Variants in FGF11 observed in about 807,000 individuals in gnomAD.
The protein encoded by FGF11 is fibroblast growth factor 11, also known as fibroblast growth factor homologous factor 3.
In FGF11, 25 loss-of-function variants were observed where a neutral mutation model predicts 25.1. The observed-to-expected ratio is 1.00, with a 90% CI of 0.73 to 1.39. The LOEUF (loss-of-function observed/expected upper bound fraction) is 1.39. FGF11 is among the 40% of genes most tolerant of loss of function. The pLI, the probability that FGF11 is intolerant of heterozygous loss-of-function variation, is 0.00. For missense variants in FGF11, 320 were observed against 311.0 expected, an observed-to-expected ratio of 1.03 and a Z score of -0.22; for synonymous variants, 130 against 128.9, an observed-to-expected ratio of 1.01 and a Z score of -0.06.
chr17:7,439,202 G>A (rs1908188562), upstream of FGF11: 1 of 161,240 alleles, frequency 6.2e-6, no homozygotes, highest in African/African-American at 2.4e-5. Flanking sequence ...TAGATTACAA[G>A]AGTGGATTTG....
At chr17:7,442,934 G>A (rs1388531547) in intron 4 of FGF11, 142 bp downstream of exon 4, 6 of 1,190,012 alleles carry the variant, frequency 5.0e-6, no homozygotes, top group East Asian at 2.4e-5. Flanking sequence ...GCCCTTTGGG[G>A]GTTTGGGTGC....
chr17:7,439,838 C>G, intron 1 of FGF11, 25 bp downstream of exon 1: 2 of 1,401,344 alleles, frequency 1.4e-6, no homozygotes, highest in Non-Finnish European at 1.8e-6. Context: ...GGCGGGGTCT[C>G]CCGGCCAGAG....
In FGF11 at chr17:7,443,461, G is replaced by A; in HGVS notation, c.*315G>A. On this transcript the variant is annotated 3_prime_UTR_variant, in exon 5 of 5. Coordinates refer to ENST00000293829, the MANE Select transcript of FGF11 (RefSeq NM_004112.4). ...AGATGGCGCTGGGAGTTCCCACATG[G>A]ACAGCCAGGGCATAAACACTTCCCA... 1 of 302,844 alleles carries A rather than the reference G, an allele frequency of 3.3e-6. No homozygotes were observed. The highest frequency in any genetic ancestry group is 6.1e-6 in the Non-Finnish European group (1 of 162,720). 18.8% of individuals were successfully genotyped at this position (302,844 alleles called of 1,614,324 possible).
intron 3 of FGF11, 34 bp downstream of exon 3, chr17:7,441,913 T>C (rs907077091): frequency 1.1e-5 from 16 of 1,455,660 alleles, no homozygotes; most frequent in Middle Eastern, 1.8e-4. Context: ...CGGGAAATAC[T>C]GGGGACTCCC....
At position 7,443,387 on chromosome 17, in the gene FGF11, C is replaced by A. The variant is rs1908439624; in HGVS notation, c.*241C>A. On this transcript the variant is annotated 3_prime_UTR_variant, in exon 5 of 5. Coordinates refer to ENST00000293829, the MANE Select transcript of FGF11 (RefSeq NM_004112.4). ...GGGGGATGTCTGAAGATGGTCCTGGCTGATCACTTCTTTCTTTCCACACTC... is the reference window on the plus strand; with the variant it reads ...GGGGGATGTCTGAAGATGGTCCTGGATGATCACTTCTTTCTTTCCACACTC... The A allele has an allele frequency of 6.4e-6, 3 of 466,908 alleles. No homozygotes were observed. Among genetic ancestry groups the A allele is most frequent in the Non-Finnish European group, 1.1e-5 (3 of 264,238 alleles). 28.9% of individuals were successfully genotyped at this position (466,908 alleles called of 1,614,324 possible). A position where few individuals can be genotyped will look rare whatever the true frequency, so the allele number is the denominator to read the frequency against.
At position 7,443,185 on chromosome 17, in the gene FGF11, T is replaced by C; in HGVS notation, c.*39T>C. On this transcript the variant is annotated 3_prime_UTR_variant, in exon 5 of 5. Coordinates refer to ENST00000293829, the MANE Select transcript of FGF11 (RefSeq NM_004112.4). ...GACTGGAGGTTCCCTGCACTCCCAG[T>C]GAGCCAGCCACCACCACAACCTGTC... is the stretch of plus-strand genomic sequence containing the variant. 2 of 1,307,060 alleles carry C rather than the reference T, an allele frequency of 1.5e-6. No individual in the cohort carries two copies. Among genetic ancestry groups the C allele is most frequent in the South Asian group, 2.5e-5 (2 of 80,164 alleles). 81.0% of individuals were successfully genotyped at this position (1,307,060 alleles called of 1,614,324 possible).
Position 7,442,688 on chromosome 17 carries a change from G to C in FGF11, c.503G>C (p.Gly168Ala). Residue 168 changes from glycine to alanine, a missense_variant, in exon 4 of 5, where the codon GGC becomes GCC. Coordinates refer to ENST00000293829, the MANE Select transcript of FGF11 (RefSeq NM_004112.4). ...GCTCTCTACCGCCAGCGTCGTTCTG[G>C]CCGGGCCTGGTACCTCGGCCTGGAC... Reference protein sequence around the residue: ...ASALYRQRRSGRAWYLGLDKE... With the variant: ...ASALYRQRRSARAWYLGLDKE... The C allele has an allele frequency of 6.2e-7, 1 of 1,614,170 alleles. No homozygotes were observed. Among genetic ancestry groups the C allele is most frequent in the Middle Eastern group, 1.6e-4 (1 of 6,062 alleles).
intron 1 of FGF11, 91 bp from the exon 2 acceptor site, chr17:7,441,380 A>G: frequency 6.5e-7 from 1 of 1,545,418 alleles, no homozygotes; most frequent in Non-Finnish European, 8.7e-7. Flanking sequence ...CCTTCCTTTC[A>G]TTCTCCTTTC....
chr17:7,440,807 C>G lies in FGF11; in HGVS notation c.194-664C>G. 2.0e-6 allele frequency: 2 copies of G among 987,940 alleles called. No individual in the cohort carries two copies. The highest frequency in any genetic ancestry group is 2.4e-6 in the Non-Finnish European group (2 of 831,618). 61.2% of individuals were successfully genotyped at this position (987,940 alleles called of 1,614,324 possible). ...CTCCATCTCCTCAGCTCCCACCCCCCATATCCTTGGTAAGGTCCCCCTTAC... is the reference window on the plus strand; with the variant it reads ...CTCCATCTCCTCAGCTCCCACCCCCGATATCCTTGGTAAGGTCCCCCTTAC... On this transcript the variant is annotated intron_variant, in intron 1 of 4. Transcript: ENST00000293829. This position sits in a 1 kb window ranked among gnomAD's most constrained non-coding sequence, Gnocchi z 5.4.
Position 7,440,098 on chromosome 17 carries a change from C to T in FGF11, c.193+285C>T, listed in dbSNP as rs889599679. 15 of 350,360 alleles carry T rather than the reference C, an allele frequency of 4.3e-5. No individual in the cohort carries two copies. The highest frequency in any genetic ancestry group is 2.1e-4 in the African/African-American group (10 of 47,346). The allele number at this position is 350,360 out of a possible 1,614,324, so 21.7% of individuals were successfully genotyped here. A position where few individuals can be genotyped will look rare whatever the true frequency, so the allele number is the denominator to read the frequency against. On this transcript the variant is annotated intron_variant, in intron 1 of 4. Coordinates refer to ENST00000293829, the MANE Select transcript of FGF11 (RefSeq NM_004112.4). This position sits in a 1 kb window ranked among gnomAD's most constrained non-coding sequence, Gnocchi z 5.4. The stretch of plus-strand genomic sequence containing the variant: ...GTCCCCCCTTCCCAACACAGCAGTC[C>T]CCACCCCCATCGTCCTCCGCCTACG...
In FGF11 at chr17:7,440,149, C is replaced by T; in HGVS notation, c.193+336C>T. On this transcript the variant is annotated intron_variant, in intron 1 of 4. Coordinates refer to ENST00000293829, the MANE Select transcript of FGF11 (RefSeq NM_004112.4). This position sits in a 1 kb window ranked among gnomAD's most constrained non-coding sequence, Gnocchi z 5.4. The stretch of plus-strand genomic sequence containing the variant: ...TGCCGGTTCTCGCGATTCTTTCAAT[C>T]TGGAGCGGAGGGGCCCGGGGGTTTC... The T allele has an allele frequency of 4.2e-6, 1 of 239,978 alleles. No individual in the cohort carries two copies. Among genetic ancestry groups the T allele is most frequent in the Non-Finnish European group, 8.0e-6 (1 of 125,702 alleles). The allele number at this position is 239,978 out of a possible 1,614,324, so 14.9% of individuals were successfully genotyped here.
chr17:7,439,689 G>T lies in FGF11; in HGVS notation c.69G>T (p.Pro23=), dbSNP rs377245894. 5.7e-4 allele frequency: 888 copies of T among 1,552,548 alleles called. 8 individuals carry two copies. In the African/African-American group the frequency reaches 0.011, roughly 19 times the overall value. Residue 23 remains proline, a synonymous_variant, in exon 1 of 5, where the codon CCG becomes CCT. Coordinates refer to ENST00000293829, the MANE Select transcript of FGF11 (RefSeq NM_004112.4). ...TCCGCGAGCCCGGGGGCAGCCGGCC[G>T]GTGTCGGCGCAGCGGCGCGTGTGTC... is the stretch of plus-strand genomic sequence containing the variant. The part of the protein sequence containing the change: ...REVREPGGSR[P]VSAQRRVCPR...
chr17:7,444,179 C>T lies in FGF11; in HGVS notation c.*1033C>T. On this transcript the variant is annotated 3_prime_UTR_variant, in exon 5 of 5. Transcript: ENST00000293829. ...TTTTACATGCAGTTTCTAGCTCCTT[C>T]AACCCAGCTGAGGTCGTGCCAGGGA... The T allele has an allele frequency of 6.6e-6, 1 of 152,534 alleles. No individual in the cohort carries two copies. Among genetic ancestry groups the T allele is most frequent in the Admixed American group, 6.5e-5 (1 of 15,280 alleles). The allele number at this position is 152,534 out of a possible 1,614,324, so 9.4% of individuals were successfully genotyped here. A position where few individuals can be genotyped will look rare whatever the true frequency, so the allele number is the denominator to read the frequency against.
chr17:7,441,278 G>C, intron 1 of FGF11, 193 bp from the exon 2 acceptor site: 1 of 678,470 alleles, frequency 1.5e-6, no homozygotes, highest in South Asian at 2.0e-5. Flanking sequence ...ATAGGAAACA[G>C]AAGGGACCCA....
Position 7,444,875 on chromosome 17 carries a change from T to C in FGF11, c.*1729T>C. 1 of 586,560 alleles carries C rather than the reference T, an allele frequency of 1.7e-6. No homozygotes were observed. The highest frequency in any genetic ancestry group is 3.0e-6 in the Non-Finnish European group (1 of 327,870). The allele number at this position is 586,560 out of a possible 1,614,324, so 36.3% of individuals were successfully genotyped here. On this transcript the variant is annotated 3_prime_UTR_variant, in exon 5 of 5. Transcript: ENST00000293829. ...TCAGTCTCCACCCAACTCCTGGCAC[T>C]GCTCCCAGGGGATCGGGTCTCCACT...
chr17:7,441,793 C>A lies in FGF11; in HGVS notation c.322C>A (p.Pro108Thr), dbSNP rs368001702. 1.2e-6 allele frequency: 2 copies of A among 1,609,070 alleles called. No individual in the cohort carries two copies. The highest frequency in any genetic ancestry group is 2.7e-5 in the African/African-American group (2 of 74,822). Reference sequence around the variant, plus strand: ...ACCTGCAGCCCACTTCAACCTGATCCCTGTGGGCCTCCGTGTGGTCACCAT... The same window carrying A: ...ACCTGCAGCCCACTTCAACCTGATCACTGTGGGCCTCCGTGTGGTCACCAT... ...TSSFTHFNLI[P>T]VGLRVVTIQS... Residue 108 changes from proline to threonine, a missense_variant, in exon 3 of 5, where the codon CCT (proline) becomes ACT (threonine). Transcript: ENST00000293829.
Position 7,440,717 on chromosome 17 carries a change from A to T in FGF11, c.194-754A>T. On this transcript the variant is annotated intron_variant, in intron 1 of 4. Transcript: ENST00000293829. This position sits in a 1 kb window ranked among gnomAD's most constrained non-coding sequence, Gnocchi z 5.4. ...CTCCTCCCCGCGCCACCGGCTGCCC[A>T]TAGTGGTACAATCCGCAGCCCACCC... 1.0e-6 allele frequency: 1 copy of T among 985,924 alleles called. No individual in the cohort carries two copies. The highest frequency in any genetic ancestry group is 1.2e-6 in the Non-Finnish European group (1 of 830,442). 61.1% of individuals were successfully genotyped at this position (985,924 alleles called of 1,614,324 possible). A position where few individuals can be genotyped will look rare whatever the true frequency, so the allele number is the denominator to read the frequency against.
Position 7,442,942 on chromosome 17 carries a change from T to C in FGF11, c.608-134T>C, listed in dbSNP as rs1274019894. On this transcript the variant is annotated intron_variant, in intron 4 of 4. Coordinates refer to ENST00000293829, the MANE Select transcript of FGF11 (RefSeq NM_004112.4). ...AGGCTTTGCCCTTTGGGGGTTTGGGTGCGGTCCTCCTGTGGGGTTGGGGTT... is the reference window on the plus strand; with the variant it reads ...AGGCTTTGCCCTTTGGGGGTTTGGGCGCGGTCCTCCTGTGGGGTTGGGGTT... 5 of 1,152,364 alleles carry C rather than the reference T, an allele frequency of 4.3e-6. No homozygotes were observed. The East Asian group carries it at 9.5e-5, about 22-fold the overall frequency. The allele number at this position is 1,152,364 out of a possible 1,614,324, so 71.4% of individuals were successfully genotyped here. A position where few individuals can be genotyped will look rare whatever the true frequency, so the allele number is the denominator to read the frequency against.
rs1343105887 is a variant in FGF11 at position 7,440,120 on chromosome 17, T to C, written c.193+307T>C. On this transcript the variant is annotated intron_variant, in intron 1 of 4. Coordinates refer to ENST00000293829, the MANE Select transcript of FGF11 (RefSeq NM_004112.4). The surrounding 1 kb of genome is among the most constrained non-coding windows in gnomAD (Gnocchi z 5.4). ...GTCCCCACCCCCATCGTCCTCCGCC[T>C]ACGTGCCGGTTCTCGCGATTCTTTC... The C allele has an allele frequency of 1.3e-5, 4 of 297,788 alleles. No individual in the cohort carries two copies. Among genetic ancestry groups the C allele is most frequent in the Non-Finnish European group, 1.8e-5 (3 of 163,264 alleles). The allele number at this position is 297,788 out of a possible 1,614,324, so 18.4% of individuals were successfully genotyped here. A position where few individuals can be genotyped will look rare whatever the true frequency, so the allele number is the denominator to read the frequency against.
Sources: gnomAD v4.1 joint callset for allele counts on GRCh38, gnomAD v4.1.1 for gene constraint, Gnocchi (gnomAD v3.1) non-coding constraint, MANE v1.5 for transcripts, NCBI Gene and HGNC (gene_info 2026-07-23, HGNC 2026-07-21) for gene names.